BCL6: variants seen among roughly 807,000 people sequenced by gnomAD.
BCL6 encodes the protein BCL6 transcription repressor.
In BCL6, 7 loss-of-function variants were observed where a neutral mutation model predicts 59.5. That is an observed-to-expected ratio of 0.12 (90% CI 0.07 to 0.22). The LOEUF (loss-of-function observed/expected upper bound fraction) is 0.22, where lower values mean the gene tolerates loss of function less well. BCL6 is among the 10% of genes least tolerant of loss of function. BCL6 has a pLI of 1.00. For missense variants in BCL6, 685 were observed against 939.4 expected, an observed-to-expected ratio of 0.73 and a Z score of 3.54; for synonymous variants, 339 against 349.7, an observed-to-expected ratio of 0.97 and a Z score of 0.34.
At chr3:187,744,148 A>G (rs892789733) in intron 1 of BCL6, among the ~76,000 whole-genome samples, 1 of 152,250 alleles carries the variant, frequency 6.6e-6, no homozygotes, top group African/African-American at 2.4e-5. Flanking sequence ...AAAATTTAGG[A>G]AAGGGAGGCA....
At chr3:187,739,953 A>G (rs1180083822) in intron 1 of BCL6, among the ~76,000 whole-genome samples, 1 of 152,326 alleles carries the variant, frequency 6.6e-6, no homozygotes, top group East Asian at 1.9e-4. Flanking sequence ...CCGCGCTTCA[A>G]ACTCGTTCCC....
At position 187,724,950 on chromosome 3, in the gene BCL6, T is replaced by C; in HGVS notation, c.1968A>G (p.Lys656=). 1.2e-6 allele frequency: 2 copies of C among 1,614,140 alleles called. No individual in the cohort carries two copies. Among genetic ancestry groups the C allele is most frequent in the Admixed American group, 1.7e-5 (1 of 60,014 alleles). Residue 656 remains lysine (K), a synonymous_variant, in exon 9 of 10, where the codon AAA becomes AAG. Transcript: ENST00000406870. The part of the protein sequence containing the change: ...KSHLRIHTGE[K]PYHCEKCNLH... The stretch of plus-strand genomic sequence containing the variant: ...CAAGAGGCTTACGTACATGGTAAGG[T>C]TTCTCTCCTGTGTGGATTCGCAGGT...
intron 1 of BCL6, among the ~76,000 whole-genome samples, chr3:187,744,192 CGCCCAAAATACAAACACCGCAGCGGCCA>C (rs2108483063): frequency 6.6e-6 from 1 of 152,298 alleles, no homozygotes; most frequent in Admixed American, 6.5e-5. Context: ...AGTCACGCAG[CGCCCAAAATACAAACACCGCAGCGGCCA>C]GAAATCCCGC....
intron 1 of BCL6, among the ~76,000 whole-genome samples, chr3:187,741,481 C>T (rs1411929980): frequency 6.6e-6 from 1 of 151,800 alleles, no homozygotes; most frequent in Non-Finnish European, 1.5e-5. Flanking sequence ...AGGCTCACTG[C>T]GCCTGGCAAA....
intron 3 of BCL6, 142 bp downstream of exon 3, chr3:187,733,391 G>T: frequency 1.1e-6 from 1 of 937,212 alleles, no homozygotes; most frequent in Non-Finnish European, 1.6e-6. Flanking sequence ...AGCCTACTGT[G>T]CCACGCCATG....
At chr3:187,743,554 G>A (rs867499238) in intron 1 of BCL6, among the ~76,000 whole-genome samples, 1 of 151,880 alleles carries the variant, frequency 6.6e-6, no homozygotes, top group South Asian at 2.1e-4. Flanking sequence ...CGGTTTGGTT[G>A]TGTTTTTGTT....
At chr3:187,737,825 C>T (rs1719362550) in intron 1 of BCL6, 1 of 148,800 alleles carries the variant, frequency 6.7e-6, no homozygotes, top group Non-Finnish European at 1.5e-5. Context: ...ACACAGCCCT[C>T]TCATTCCCGG....
chr3:187,745,023 C>T (rs1711856669), intron 1 of BCL6, among the ~76,000 whole-genome samples: 1 of 152,008 alleles, frequency 6.6e-6, no homozygotes, highest in African/African-American at 2.4e-5. Context: ...CCCCTAATTC[C>T]CCTCCTTCCT....
chr3:187,734,275 C>G (rs569670710), intron 2 of BCL6, among the ~76,000 whole-genome samples: 1 of 152,288 alleles, frequency 6.6e-6, no homozygotes, highest in Non-Finnish European at 1.5e-5. Flanking sequence ...AACTCCTGAC[C>G]TCGTGATCTG....
chr3:187,745,188 A>G (rs1354144180), intron 1 of BCL6, among the ~76,000 whole-genome samples: 2 of 152,328 alleles, frequency 1.3e-5, no homozygotes, highest in East Asian at 1.9e-4. Flanking sequence ...AATCTTCGGC[A>G]TTTATTTTAA....
chr3:187,745,386 G>T (rs1711907310), intron 1 of BCL6, 24 bp downstream of exon 1: 1 of 402,706 alleles, frequency 2.5e-6, no homozygotes, highest in Admixed American at 4.4e-5. Flanking sequence ...CAGCAGCAGC[G>T]GCGGCAGCAA....
Position 187,725,139 on chromosome 3 carries a change from C to T in BCL6, c.1840-61G>A. 6 of 1,605,752 alleles carry T rather than the reference C, an allele frequency of 3.7e-6. No homozygotes were observed. Among genetic ancestry groups the T allele is most frequent in the Non-Finnish European group, 5.1e-6 (6 of 1,175,272 alleles). On this transcript the variant is annotated intron_variant, in intron 8 of 9. Coordinates refer to ENST00000406870, the MANE Select transcript of BCL6 (RefSeq NM_001706.5). The surrounding 1 kb of genome is among the most constrained non-coding windows in gnomAD (Gnocchi z 4.7). ...GTGGGCTGCAGGCCTCTGGGCAGCC[C>T]CTCATTAGCACACAGCCAGTGAGTG...
chr3:187,744,684 C>T (rs186895646), intron 1 of BCL6, among the ~76,000 whole-genome samples: 9 of 152,164 alleles, frequency 5.9e-5, no homozygotes, highest in East Asian at 3.9e-4. Flanking sequence ...TGGAAGAGAG[C>T]CAGCGGGGCG....
chr3:187,734,073 C>T (rs1209170051), intron 2 of BCL6, among the ~76,000 whole-genome samples: 2 of 152,144 alleles, frequency 1.3e-5, no homozygotes, highest in Non-Finnish European at 2.9e-5. Flanking sequence ...TGGAGTCTCA[C>T]ACTGTCACCC....
intron 1 of BCL6, among the ~76,000 whole-genome samples, chr3:187,744,185 C>A (rs2108483049): frequency 6.6e-6 from 1 of 152,312 alleles, no homozygotes; most frequent in East Asian, 1.9e-4. Flanking sequence ...AACACAGAGT[C>A]ACGCAGCGCC....
Position 187,729,019 on chromosome 3 carries a change from G to T in BCL6, c.1355+31C>A. On this transcript the variant is annotated intron_variant, in intron 5 of 9. Transcript: ENST00000406870. The surrounding 1 kb of genome is among the most constrained non-coding windows in gnomAD (Gnocchi z 5.6). ...ATGGAACCCTGCCCAGGTAACCCCT[G>T]ACCTCAGACCCAGACAGTCTCTGAA... is the stretch of plus-strand genomic sequence containing the variant. 1 of 1,512,042 alleles carries T rather than the reference G, an allele frequency of 6.6e-7. No individual in the cohort carries two copies. Among genetic ancestry groups the T allele is most frequent in the South Asian group, 1.4e-5 (1 of 73,426 alleles). The allele number at this position is 1,512,042 out of a possible 1,614,324, so 93.7% of individuals were successfully genotyped here. A position where few individuals can be genotyped will look rare whatever the true frequency, so the allele number is the denominator to read the frequency against.
At position 187,730,012 on chromosome 3, in the gene BCL6, C is replaced by G. The variant is rs376615026; in HGVS notation, c.393G>C (p.Glu131Asp). The G allele has an allele frequency of 3.9e-5, 61 of 1,550,614 alleles. No individual in the cohort carries two copies. In the African/African-American group the frequency reaches 6.6e-4, roughly 17 times the overall value. ...CRKFIKASEA[E>D]MVSAIKPPRE... ...GAGGAGGCTTGATGGCAGAAACCATCTCTGCTTCACTGTGAAAGAAAAAAA... is the reference window on the plus strand; with the variant it reads ...GAGGAGGCTTGATGGCAGAAACCATGTCTGCTTCACTGTGAAAGAAAAAAA... The change falls in exon 5 of 10, where the codon GAG becomes GAC. Residue 131 changes from glutamate to aspartate, a missense_variant. Transcript: ENST00000406870.
Position 187,729,224 on chromosome 3 carries a change from C to A in BCL6, c.1181G>T (p.Gly394Val), listed in dbSNP as rs1718894389. 1 of 1,613,926 alleles carries A rather than the reference C, an allele frequency of 6.2e-7. No individual in the cohort carries two copies. The highest frequency in any genetic ancestry group is 1.1e-5 in the South Asian group (1 of 91,072). ...GCGGCCCAGCTCAGCCTGCTCAGGC[C>A]CCTCTGGTTTGGCATTCTGGTTGAG... The part of the protein sequence containing the change: ...NSLNQNAKPE[G>V]PEQAELGRLS... Residue 394 changes from glycine to valine, a missense_variant, in exon 5 of 10, where the codon GGG becomes GTG. Coordinates refer to ENST00000406870, the MANE Select transcript of BCL6 (RefSeq NM_001706.5). This position sits in a 1 kb window ranked among gnomAD's most constrained non-coding sequence, Gnocchi z 5.6.
intron 1 of BCL6, among the ~76,000 whole-genome samples, chr3:187,744,897 C>A (rs537965536): frequency 2.0e-5 from 3 of 152,226 alleles, no homozygotes; most frequent in East Asian, 3.9e-4. Flanking sequence ...ACGCAAGCAG[C>A]AGCAGAAAGA....
Sources: gnomAD v4.1 joint callset for allele counts (sites outside exome capture counted in the v4.1 genomes callset) on GRCh38, gnomAD v4.1.1 for gene constraint, Gnocchi (gnomAD v3.1) non-coding constraint, MANE v1.5 for transcripts, NCBI Gene and HGNC (gene_info 2026-07-23, HGNC 2026-07-21) for gene names.